CROCC2: variants seen among roughly 807,000 people sequenced by gnomAD.
CROCC2 encodes the protein ciliary rootlet coiled-coil protein 2.
A neutral mutation model predicts 177.6 loss-of-function variants in CROCC2; 163 were observed. That is an observed-to-expected ratio of 0.92 (90% CI 0.81 to 1.05). The LOEUF is 1.05. Ranked by LOEUF, CROCC2 falls within the 50% of genes least tolerant of loss-of-function variation. The pLI, the probability that CROCC2 is intolerant of heterozygous loss-of-function variation, is 0.00. For synonymous variants in CROCC2, 904 were observed against 787.3 expected, an observed-to-expected ratio of 1.15 and a Z score of -2.48; for missense variants, 1,929 against 1,797.8, an observed-to-expected ratio of 1.07 and a Z score of -1.32.
intron 27 of CROCC2, among the ~76,000 whole-genome samples, chr2:240,975,056 G>T (rs768868799): frequency 6.6e-6 from 1 of 152,112 alleles, no homozygotes; most frequent in Non-Finnish European, 1.5e-5. Flanking sequence ...TGCTTTTTTG[G>T]TTTGGTTTTG....
In CROCC2 at chr2:240,935,382, C is replaced by A; in HGVS notation, c.1963C>A (p.Arg655=). 1 of 1,357,968 alleles carries A rather than the reference C, an allele frequency of 7.4e-7. No individual in the cohort carries two copies. Among genetic ancestry groups the A allele is most frequent in the South Asian group, 2.0e-5 (1 of 51,068 alleles). The allele number at this position is 1,357,968 out of a possible 1,614,324, so 84.1% of individuals were successfully genotyped here. The change falls in exon 14 of 32, where the codon CGG becomes AGG. Residue 655 remains arginine (R), a synonymous_variant. Coordinates refer to ENST00000690015, the MANE Select transcript of CROCC2 (RefSeq NM_001351305.2). ...LQLEQERDQL[R]EQRKTLEQER... is the part of the protein sequence containing the mutation. Reference sequence around the variant, plus strand: ...GCTGGAGCAGGAGCGGGACCAGCTGCGGGAACAGCGGAAGACTCTGGAGCA... The same window carrying A: ...GCTGGAGCAGGAGCGGGACCAGCTGAGGGAACAGCGGAAGACTCTGGAGCA...
At chr2:240,910,752 C>T (rs1031758919) in intron 1 of CROCC2, among the ~76,000 whole-genome samples, 12 of 152,252 alleles carry the variant, frequency 7.9e-5, no homozygotes, top group African/African-American at 1.4e-4. Flanking sequence ...ATTCTTCCTT[C>T]GCTTTCAGTT....
intron 7 of CROCC2, among the ~76,000 whole-genome samples, chr2:240,931,609 C>T (rs1238272492): frequency 2.6e-5 from 4 of 152,230 alleles, no homozygotes; most frequent in African/African-American, 7.2e-5. Context: ...ACATCGGGGG[C>T]TCAGAGGTCT....
chr2:240,973,711 CCA>C lies in CROCC2; in HGVS notation c.4401+5452_4401+5453del, dbSNP rs1293729954. ...CGGGGCCCACAAGGTGGACACTGAG[CCA>C]CAGTCAGACTTGATTACTCTCAGTG... is the stretch of plus-strand genomic sequence containing the variant. On this transcript the variant is annotated intron_variant, in intron 27 of 31. Coordinates refer to ENST00000690015, the MANE Select transcript of CROCC2 (RefSeq NM_001351305.2). This position sits in a 1 kb window ranked among gnomAD's most constrained non-coding sequence, Gnocchi z 4.7. Among the ~76,000 whole-genome samples the C allele has an allele frequency of 6.6e-6, 1 of 152,234 alleles. No individual in the cohort carries two copies. Among genetic ancestry groups the C allele is most frequent in the Non-Finnish European group, 1.5e-5 (1 of 68,050 alleles).
intron 12 of CROCC2, 76 bp from the exon 13 acceptor site, chr2:240,934,840 T>C: frequency 1.4e-6 from 2 of 1,404,210 alleles, no homozygotes; most frequent in Non-Finnish European, 1.9e-6. Context: ...GGCTCAGGGC[T>C]CACTCCTTTC....
At chr2:240,920,195 G>A in intron 3 of CROCC2, 61 bp downstream of exon 3, 1 of 603,284 alleles carries the variant, frequency 1.7e-6, no homozygotes, top group South Asian at 1.9e-5. Context: ...TTCGTGAGGG[G>A]TCACTTGTCG....
Position 240,960,630 on chromosome 2 carries a change from T to C in CROCC2, c.3087+1186T>C, listed in dbSNP as rs899354845. On this transcript the variant is annotated intron_variant, in intron 20 of 31. Coordinates refer to ENST00000690015, the MANE Select transcript of CROCC2 (RefSeq NM_001351305.2). The surrounding 1 kb of genome is among the most constrained non-coding windows in gnomAD (Gnocchi z 5.0). ...CGACCTCGCACACTCCCTGGGCTGC[T>C]TGCCAAGGCTGGAGGCTGCGCAGCT... Among the ~76,000 whole-genome samples, 1 of 152,056 alleles carries C rather than the reference T, an allele frequency of 6.6e-6. No individual in the cohort carries two copies. The highest frequency in any genetic ancestry group is 1.5e-5 in the Non-Finnish European group (1 of 67,988).
At chr2:240,911,189 AT>A (rs1313893720) in intron 1 of CROCC2, among the ~76,000 whole-genome samples, 67 of 152,272 alleles carry the variant, frequency 4.4e-4, no homozygotes, top group African/African-American at 1.5e-3. Flanking sequence ...TTGTGGGAAA[AT>A]ATACATAACA....
intron 19 of CROCC2, chr2:240,956,334 G>T: frequency 3.8e-6 from 1 of 260,960 alleles, no homozygotes; most frequent in Non-Finnish European, 7.4e-6. Flanking sequence ...AAGCACAGCT[G>T]GGGACATGAG....
chr2:240,956,010 C>A, intron 19 of CROCC2, 38 bp downstream of exon 19: 1 of 1,445,518 alleles, frequency 6.9e-7, no homozygotes, highest in Non-Finnish European at 9.4e-7. Flanking sequence ...CACAGCCAAG[C>A]AGGTGCTGGC....
chr2:240,930,031 T>C, intron 5 of CROCC2, 135 bp from the exon 6 acceptor site: 1 of 526,494 alleles, frequency 1.9e-6, no homozygotes, highest in South Asian at 3.5e-5. Context: ...CATTTGCCTG[T>C]GAGATATGGG....
chr2:240,943,543 A>C (rs2059505734), intron 14 of CROCC2, among the ~76,000 whole-genome samples: 1 of 148,902 alleles, frequency 6.7e-6, no homozygotes, highest in African/African-American at 2.5e-5. Flanking sequence ...GATGGAGTGC[A>C]ATGGGGTGAT....
In CROCC2 at chr2:240,950,513, G is replaced by A; in HGVS notation, c.2829+3G>A. ...AACTGGAGCACAAGATGCAACAGGT[G>A]ATGGTGAGGCTGGGGGGCAGCGGGA... On this transcript the variant is annotated splice_donor_region_variant and intron_variant, in intron 18 of 31. Transcript: ENST00000690015. 3 of 1,548,174 alleles carry A rather than the reference G, an allele frequency of 1.9e-6. No individual in the cohort carries two copies. The highest frequency in any genetic ancestry group is 2.6e-6 in the Non-Finnish European group (3 of 1,145,488).
chr2:240,964,907 C>T (rs1180068858), intron 22 of CROCC2, among the ~76,000 whole-genome samples: 26 of 152,066 alleles, frequency 1.7e-4, no homozygotes, highest in Admixed American at 1.7e-3. Context: ...CATGCAACAC[C>T]TTCCGGCATG....
chr2:240,965,581 C>T, intron 23 of CROCC2, 55 bp from the exon 24 acceptor site: 1 of 1,549,142 alleles, frequency 6.5e-7, no homozygotes, highest in East Asian at 2.4e-5. Context: ...AGGGAGGAGG[C>T]CCACCCCACT....
chr2:240,986,543 G>A (rs1045915442), intron 28 of CROCC2, among the ~76,000 whole-genome samples: 1 of 152,314 alleles, frequency 6.6e-6, no homozygotes, highest in East Asian at 1.9e-4. Context: ...CCGGCTCCAC[G>A]ACCCATCCAC....
intron 1 of CROCC2, among the ~76,000 whole-genome samples, chr2:240,916,146 T>G (rs2059318817): frequency 6.6e-6 from 1 of 152,028 alleles, no homozygotes; most frequent in Non-Finnish European, 1.5e-5. Context: ...CCTGGAGCCG[T>G]GGGGAAGGAA....
chr2:240,911,653 C>A (rs972034448), intron 1 of CROCC2, among the ~76,000 whole-genome samples: 1 of 152,004 alleles, frequency 6.6e-6, no homozygotes, highest in African/African-American at 2.4e-5. Context: ...ATTCACGCCC[C>A]ATTCCCCCCT....
chr2:240,938,602 G>A (rs1394628210), intron 14 of CROCC2, among the ~76,000 whole-genome samples: 1 of 152,122 alleles, frequency 6.6e-6, no homozygotes, highest in East Asian at 1.9e-4. Context: ...TCCCTCCCCT[G>A]CAAAATAGCC....
Sources: gnomAD v4.1 joint callset for allele counts (sites outside exome capture counted in the v4.1 genomes callset) on GRCh38, gnomAD v4.1.1 for gene constraint, Gnocchi (gnomAD v3.1) non-coding constraint, MANE v1.5 for transcripts, NCBI Gene and HGNC (gene_info 2026-07-23, HGNC 2026-07-21) for gene names.